MCC: variants seen among roughly 807,000 people sequenced by gnomAD.
MCC encodes the protein colorectal mutant cancer protein.
MCC carries 90 observed loss-of-function variants against 116.2 expected under a neutral mutation model. That is an observed-to-expected ratio of 0.77 (90% CI 0.65 to 0.92). The LOEUF (loss-of-function observed/expected upper bound fraction) is 0.92, where lower values mean the gene tolerates loss of function less well. MCC is among the 40% of genes least tolerant of loss of function. MCC has a pLI of 0.00. For missense variants in MCC, 1,516 were observed against 1,312.2 expected, an observed-to-expected ratio of 1.16 and a Z score of -2.40; for synonymous variants, 578 against 510.5, an observed-to-expected ratio of 1.13 and a Z score of -1.78.
intron 3 of MCC, among the ~76,000 whole-genome samples, chr5:113,256,415 G>C (rs999720051): frequency 2.0e-5 from 3 of 152,220 alleles, no homozygotes; most frequent in African/African-American, 4.8e-5. Flanking sequence ...GGCATAAGTA[G>C]AGGGTTCAGA....
intron 3 of MCC, among the ~76,000 whole-genome samples, chr5:113,158,080 G>C (rs1471641463): frequency 6.6e-6 from 1 of 152,164 alleles, no homozygotes; most frequent in Non-Finnish European, 1.5e-5. Flanking sequence ...AGCCCAGCAC[G>C]CAAATGCATC....
At chr5:113,275,806 TAA>T (rs1765801098) in intron 3 of MCC, among the ~76,000 whole-genome samples, 1 of 152,134 alleles carries the variant, frequency 6.6e-6, no homozygotes. Context: ...TTTATATATA[TAA>T]AGGACTTTAA....
chr5:113,435,166 A>T, intron 1 of MCC: 1 of 312,250 alleles, frequency 3.2e-6, no homozygotes, highest in Non-Finnish European at 6.0e-6. Flanking sequence ...CTGGGACCTG[A>T]GGTAGAAGGG....
At chr5:113,290,536 C>A (rs760241248) in intron 3 of MCC, among the ~76,000 whole-genome samples, 1 of 152,188 alleles carries the variant, frequency 6.6e-6, no homozygotes, top group Admixed American at 6.5e-5. Context: ...GACAACTACT[C>A]TGCAAGAATA....
chr5:113,048,816 G>C, intron 16 of MCC: 4 of 543,252 alleles, frequency 7.4e-6, no homozygotes, highest in South Asian at 2.7e-5. Context: ...GGTGAGAACA[G>C]TATCAGTGGA....
intron 3 of MCC, among the ~76,000 whole-genome samples, chr5:113,276,265 G>A (rs1235164391): frequency 1.3e-5 from 2 of 152,138 alleles, no homozygotes; most frequent in East Asian, 1.9e-4. Context: ...TGAGTACGCA[G>A]GCCTGGGTAG....
intron 8 of MCC, among the ~76,000 whole-genome samples, chr5:113,093,153 A>AAAAT (rs1409898687): frequency 1.3e-5 from 2 of 152,244 alleles, no homozygotes; most frequent in Admixed American, 6.5e-5. Flanking sequence ...GGACATGCAC[A>AAAAT]AAATGGGGGG....
chr5:113,301,966 T>C (rs951857096), intron 3 of MCC, among the ~76,000 whole-genome samples: 5 of 152,202 alleles, frequency 3.3e-5, no homozygotes, highest in African/African-American at 4.8e-5. Context: ...AGTTTACATT[T>C]TTAAAAGGTA....
At chr5:113,059,573 C>A (rs1256212463) in intron 14 of MCC, among the ~76,000 whole-genome samples, 2 of 152,244 alleles carry the variant, frequency 1.3e-5, no homozygotes, top group Non-Finnish European at 2.9e-5. Context: ...CTCTCCAGAA[C>A]AGGAGCCTGT....
intron 2 of MCC, among the ~76,000 whole-genome samples, chr5:113,345,259 T>C (rs1768106165): frequency 6.6e-6 from 1 of 151,602 alleles, no homozygotes; most frequent in African/African-American, 2.4e-5. Flanking sequence ...GAGTACCAGG[T>C]AGATTTTACG....
rs57037671 is a variant in MCC at position 113,166,706 on chromosome 5, A to T, written c.628-15284T>A. 7.5e-3 allele frequency among the ~76,000 whole-genome samples: 816 copies of T among 109,270 alleles called. 11 individuals carry two copies. The highest frequency in any genetic ancestry group is 0.034 in the African/African-American group (752 of 21,914). The allele number at this position is 109,270 out of a possible 152,430, so 71.7% of individuals were successfully genotyped here. A position where few individuals can be genotyped will look rare whatever the true frequency, so the allele number is the denominator to read the frequency against. The stretch of plus-strand genomic sequence containing the variant: ...CCTCAATACAGGGCATCATTTATTT[A>T]AAAAAAAAAAAAAAAACAACCAAAA... On this transcript the variant is annotated intron_variant, in intron 3 of 18. Coordinates refer to ENST00000408903, the MANE Select transcript of MCC (RefSeq NM_001085377.2).
chr5:113,463,852 G>A (rs764900345), intron 1 of MCC, among the ~76,000 whole-genome samples: 1 of 152,152 alleles, frequency 6.6e-6, no homozygotes, highest in Non-Finnish European at 1.5e-5. Flanking sequence ...TAAAAGAGAA[G>A]TGAGCAAAAA....
At chr5:113,034,009 C>T (rs532454934) in intron 17 of MCC, among the ~76,000 whole-genome samples, 1 of 152,146 alleles carries the variant, frequency 6.6e-6, no homozygotes, top group South Asian at 2.1e-4. Flanking sequence ...ACCTCAGCCT[C>T]CTGAGTGGCT....
intron 2 of MCC, among the ~76,000 whole-genome samples, chr5:113,375,185 C>T (rs1768953104): frequency 6.6e-6 from 1 of 151,594 alleles, no homozygotes; most frequent in South Asian, 2.1e-4. Context: ...GGTGTGTTTC[C>T]TTATTTCAAC....
chr5:113,345,178 T>A (rs1352053422), intron 2 of MCC, among the ~76,000 whole-genome samples: 1 of 152,002 alleles, frequency 6.6e-6, no homozygotes, highest in Non-Finnish European at 1.5e-5. Context: ...CCTCTGCCTA[T>A]GGAAAGGGGA....
At chr5:113,455,056 C>G (rs1561581327) in intron 1 of MCC, among the ~76,000 whole-genome samples, 1 of 152,180 alleles carries the variant, frequency 6.6e-6, no homozygotes, top group Non-Finnish European at 1.5e-5. Flanking sequence ...TGTGCACTCC[C>G]TTTCCACCTG....
At chr5:113,279,677 A>G (rs929778490) in intron 3 of MCC, among the ~76,000 whole-genome samples, 1 of 152,236 alleles carries the variant, frequency 6.6e-6, no homozygotes, top group African/African-American at 2.4e-5. Flanking sequence ...AAACCTTGAT[A>G]AGTCCAGATG....
intron 3 of MCC, among the ~76,000 whole-genome samples, chr5:113,275,682 C>G (rs977566993): frequency 2.0e-4 from 31 of 152,074 alleles, no homozygotes; most frequent in Admixed American, 6.6e-4. Context: ...AGAAACAAGA[C>G]AGTATAACAA....
At chr5:113,128,147 C>T (rs1195586238) in intron 5 of MCC, among the ~76,000 whole-genome samples, 3 of 152,230 alleles carry the variant, frequency 2.0e-5, no homozygotes, top group African/African-American at 7.2e-5. Context: ...ATGGAGTCAA[C>T]AGCATTTGAT....
Sources: allele counts gnomAD v4.1 joint callset (sites outside exome capture counted in the v4.1 genomes callset), GRCh38; gene constraint gnomAD v4.1.1; transcripts MANE v1.5; gene names NCBI Gene and HGNC (gene_info 2026-07-23, HGNC 2026-07-21).